Variants in LMNB2 observed in about 807,000 individuals in gnomAD.
The protein encoded by LMNB2 is lamin-B2.
In LMNB2, 17 loss-of-function variants were observed where a neutral mutation model predicts 69.3. The ratio of observed to expected loss-of-function variants is 0.25; its 90% CI spans 0.17 to 0.37. The LOEUF (loss-of-function observed/expected upper bound fraction) is 0.37. Ranked by LOEUF, LMNB2 falls within the 10% of genes least tolerant of loss-of-function variation. The pLI is 1.00. For synonymous variants in LMNB2, 397 were observed against 389.3 expected (o/e 1.02, Z -0.23); for missense variants, 789 against 883.6 (o/e 0.89, Z 1.36).
intron 6 of LMNB2, 91 bp downstream of exon 6, chr19:2,434,697 C>G (rs1037074013): frequency 6.6e-7 from 1 of 1,525,706 alleles, no homozygotes; most frequent in Non-Finnish European, 8.8e-7. Context: ...CATCCGATGC[C>G]AAGAGGCCAG....
intron 1 of LMNB2, among the ~76,000 whole-genome samples, chr19:2,455,194 G>T (rs1321871374): frequency 6.6e-6 from 1 of 151,938 alleles, no homozygotes; most frequent in African/African-American, 2.4e-5. Flanking sequence ...ATCTCTTCTG[G>T]ATTCATCAGG....
At chr19:2,445,954 A>G (rs1464141223) in intron 1 of LMNB2, among the ~76,000 whole-genome samples, 1 of 38,352 alleles carries the variant, frequency 2.6e-5, no homozygotes, top group Non-Finnish European at 4.4e-5. Context: ...AGCCGCCCCC[A>G]CCTTTCACCC....
chr19:2,430,165 AC>A lies in LMNB2; in HGVS notation c.*745del, dbSNP rs1219856357. The A allele has an allele frequency of 2.6e-5, 4 of 154,224 alleles. No individual in the cohort carries two copies. Among genetic ancestry groups the A allele is most frequent in the Non-Finnish European group, 4.3e-5 (3 of 69,546 alleles). 9.6% of individuals were successfully genotyped at this position (154,224 alleles called of 1,614,324 possible). A position where few individuals can be genotyped will look rare whatever the true frequency, so the allele number is the denominator to read the frequency against. ...TCTCCCCTCCCTGCTTATTGTTGTG[AC>A]AGGTCTTACGACGGGACTGTCCTCA... On this transcript the variant is annotated 3_prime_UTR_variant, in exon 12 of 12. Coordinates refer to ENST00000325327, the MANE Select transcript of LMNB2 (RefSeq NM_032737.4).
rs1972059347 is a variant in LMNB2, at chr19:2,453,925, ACTC to A, written c.264+2742_264+2744del. Reference sequence around the variant, plus strand: ...AGCAGGCGGCCTCTAAGTTGGGACAACTCCGCACTGGACAGATGGCAAGATGGA... The same window carrying A: ...AGCAGGCGGCCTCTAAGTTGGGACAACGCACTGGACAGATGGCAAGATGGA... On this transcript the variant is annotated intron_variant, in intron 1 of 11. Transcript: ENST00000325327. This position sits in a 1 kb window ranked among gnomAD's most constrained non-coding sequence, Gnocchi z 4.4. Among the ~76,000 whole-genome samples the A allele has an allele frequency of 6.6e-6, 1 of 152,032 alleles. No homozygotes were observed. Among genetic ancestry groups the A allele is most frequent in the Admixed American group, 6.6e-5 (1 of 15,254 alleles).
At chr19:2,444,629 ATT>A in intron 1 of LMNB2, 89 bp from the exon 2 acceptor site, 2 of 1,535,706 alleles carry the variant, frequency 1.3e-6, no homozygotes, top group Non-Finnish European at 8.9e-7. Context: ...CCCTGCTCAG[ATT>A]CCCAGGGACT....
In LMNB2 at chr19:2,434,913, G is replaced by A. The variant is rs1470221824; in HGVS notation, c.856C>T (p.Leu286=). ...LELEQTYQAK[L]DSAKLSSDQN... is the part of the protein sequence containing the mutation. The stretch of plus-strand genomic sequence containing the variant: ...TCAGAGCTCAGCTTGGCGCTGTCCA[G>A]CTGTGGGGAGACGGGCGGGTGAGTG... The change falls in exon 6 of 12, where the codon CTG becomes TTG. Residue 286 remains leucine (L), a splice_region_variant and synonymous_variant. Coordinates refer to ENST00000325327, the MANE Select transcript of LMNB2 (RefSeq NM_032737.4). 5 of 1,602,396 alleles carry A rather than the reference G, an allele frequency of 3.1e-6. No individual in the cohort carries two copies. The highest frequency in any genetic ancestry group is 1.7e-5 in the Admixed American group (1 of 59,706).
chr19:2,440,120 A>G (rs563690636), intron 2 of LMNB2, among the ~76,000 whole-genome samples: 28 of 110,294 alleles, frequency 2.5e-4, no homozygotes, highest in Non-Finnish European at 6.7e-4. Context: ...CTGTCTAAGT[A>G]TATCTCCATC....
rs780748266 is a variant in LMNB2, at chr19:2,434,449, G to A, written c.1048C>T (p.Arg350Trp). 22 of 1,613,284 alleles carry A rather than the reference G, an allele frequency of 1.4e-5. No homozygotes were observed. Among genetic ancestry groups the A allele is most frequent in the Middle Eastern group, 1.6e-4 (1 of 6,084 alleles). ...EAMAGERDKF[R>W]KMLDAKEQEM... ...TGCTCCTTGGCGTCCAGCATCTTCCGGAACTTGTCCCGCTCCCCGGCCATG... is the reference window on the plus strand; with the variant it reads ...TGCTCCTTGGCGTCCAGCATCTTCCAGAACTTGTCCCGCTCCCCGGCCATG... Residue 350 changes from arginine (R) to tryptophan (W), a missense_variant, in exon 7 of 12, where the codon CGG becomes TGG. Physicochemically the swap from Arg to Trp is moderately radical, Grantham distance 101 (BLOSUM62 -3). Transcript: ENST00000325327.
intron 1 of LMNB2, among the ~76,000 whole-genome samples, chr19:2,454,759 T>C (rs72971500): frequency 1.3e-4 from 19 of 151,790 alleles, no homozygotes; most frequent in Non-Finnish European, 2.8e-4. Flanking sequence ...ATCAAGTGGG[T>C]GCTCCTGCCT....
chr19:2,434,307 C>G lies in LMNB2; in HGVS notation c.1190G>C (p.Gly397Ala), dbSNP rs757984604. The part of the protein sequence containing the change: ...EINAYRKLLE[G>A]EEERLKLSPS... ...TGGCCTGCCGCACCTCTCCTCCTCGCCCTCCAGGAGCTTCCGGTAGGCGTT... is the reference window on the plus strand; with the variant it reads ...TGGCCTGCCGCACCTCTCCTCCTCGGCCTCCAGGAGCTTCCGGTAGGCGTT... The change falls in exon 7 of 12, where the codon GGC (glycine) becomes GCC (alanine). Residue 397 changes from glycine (G) to alanine (A), a missense_variant. By Grantham distance (60) the Gly-to-Ala change is moderately conservative. Around this residue, in one of 3 missense-constraint regions of LMNB2, gnomAD observed 609 missense variants for 630.9 expected, o/e 0.97. Transcript: ENST00000325327. The G allele has an allele frequency of 3.1e-6, 5 of 1,612,910 alleles. No homozygotes were observed. The highest frequency in any genetic ancestry group is 1.7e-4 in the Middle Eastern group (1 of 6,014).
chr19:2,437,244 C>G (rs1682177499), intron 4 of LMNB2: 1 of 152,522 alleles, frequency 6.6e-6, no homozygotes, highest in South Asian at 2.1e-4. Flanking sequence ...CCCCACTCCC[C>G]TCTCCGAGCC....
chr19:2,434,535 C>G lies in LMNB2; in HGVS notation c.982-20G>C. The G allele has an allele frequency of 6.2e-7, 1 of 1,608,244 alleles. No individual in the cohort carries two copies. ...ACTGGCCTGCGGAGGGGGCGGGTGG[C>G]GAAGGTCAGGGCAGCCCATGGGTCA... On this transcript the variant is annotated intron_variant, in intron 6 of 11. Coordinates refer to ENST00000325327, the MANE Select transcript of LMNB2 (RefSeq NM_032737.4).
intron 5 of LMNB2, 28 bp from the exon 6 acceptor site, chr19:2,434,941 G>C (rs772298082): frequency 1.3e-6 from 2 of 1,586,196 alleles, no homozygotes; most frequent in Admixed American, 3.5e-5. Flanking sequence ...GGTGAGTGCG[G>C]GCGCGGGGCG....
At position 2,431,735 on chromosome 19, in the gene LMNB2, C is replaced by A. The variant is rs766983535; in HGVS notation, c.1710+48G>T. On this transcript the variant is annotated intron_variant, in intron 10 of 11. Coordinates refer to ENST00000325327, the MANE Select transcript of LMNB2 (RefSeq NM_032737.4). ...TGTGGCGGCCCCGAGGGTGCCCAGACCCTGCCCAGGACTCCAGCCGAGCAC... is the reference window on the plus strand; with the variant it reads ...TGTGGCGGCCCCGAGGGTGCCCAGAACCTGCCCAGGACTCCAGCCGAGCAC... The A allele has an allele frequency of 1.9e-6, 3 of 1,613,516 alleles. No individual in the cohort carries two copies. In the African/African-American group the frequency reaches 4.0e-5, roughly 22 times the overall value.
At position 2,444,517 on chromosome 19, in the gene LMNB2, G is replaced by A. The variant is rs201605408; in HGVS notation, c.288C>T (p.Tyr96=). ...TREVSGIKAL[Y]ESELADARRV... is the part of the protein sequence containing the mutation. ...TCCGGGCATCGGCCAGCTCCGACTC[G>A]TACAGCGCCTTGATGCCACTCACCT... The change falls in exon 2 of 12, where the codon TAC becomes TAT. Residue 96 remains tyrosine, a synonymous_variant. Coordinates refer to ENST00000325327, the MANE Select transcript of LMNB2 (RefSeq NM_032737.4). 106 of 1,611,700 alleles carry A rather than the reference G, an allele frequency of 6.6e-5. 1 individual carries two copies. The Middle Eastern group carries it at 3.6e-3, about 55-fold the overall frequency.
Position 2,456,910 on chromosome 19 carries a change from G to A in LMNB2, c.24C>T (p.Arg8=), listed in dbSNP as rs909694266. MSPPSPG[R]RREQRRPRAA... is the part of the protein sequence containing the mutation. ...CTCGCGGCCTGCGCTGCTCCCGACG[G>A]CGGCCCGGGCTCGGCGGGCTCATTC... The change falls in exon 1 of 12, where the codon CGC becomes CGT. Residue 8 remains arginine (R), a synonymous_variant. Coordinates refer to ENST00000325327, the MANE Select transcript of LMNB2 (RefSeq NM_032737.4). The A allele has an allele frequency of 1.7e-5, 17 of 1,003,014 alleles. No homozygotes were observed. The highest frequency in any genetic ancestry group is 2.0e-5 in the Non-Finnish European group (17 of 843,424). 62.1% of individuals were successfully genotyped at this position (1,003,014 alleles called of 1,614,324 possible). A position where few individuals can be genotyped will look rare whatever the true frequency, so the allele number is the denominator to read the frequency against.
At position 2,456,896 on chromosome 19, in the gene LMNB2, C is replaced by T. The variant is rs1342518443; in HGVS notation, c.38G>A (p.Arg13His). 2 of 1,029,778 alleles carry T rather than the reference C, an allele frequency of 1.9e-6. No individual in the cohort carries two copies. Among genetic ancestry groups the T allele is most frequent in the Non-Finnish European group, 2.3e-6 (2 of 860,670 alleles). 63.8% of individuals were successfully genotyped at this position (1,029,778 alleles called of 1,614,324 possible). The change falls in exon 1 of 12, where the codon CGC becomes CAC. Residue 13 changes from arginine to histidine, a missense_variant. Coordinates refer to ENST00000325327, the MANE Select transcript of LMNB2 (RefSeq NM_032737.4). ...CATGGTGGCGGCGGCTCGCGGCCTGCGCTGCTCCCGACGGCGGCCCGGGCT... is the reference window on the plus strand; with the variant it reads ...CATGGTGGCGGCGGCTCGCGGCCTGTGCTGCTCCCGACGGCGGCCCGGGCT... ...PPSPGRRREQRRPRAAATMAT... is the reference protein window; with the variant it reads ...PPSPGRRREQHRPRAAATMAT...
chr19:2,429,953 C>G lies in LMNB2; in HGVS notation c.*958G>C, dbSNP rs771536936. On this transcript the variant is annotated 3_prime_UTR_variant, in exon 12 of 12. Coordinates refer to ENST00000325327, the MANE Select transcript of LMNB2 (RefSeq NM_032737.4). ...AGAAACATGGTTTCAGCGAGAAAAT[C>G]ACAGATAAAAGCACAGTATGGATAG... 6.6e-6 allele frequency: 1 copy of G among 151,994 alleles called. No individual in the cohort carries two copies. The highest frequency in any genetic ancestry group is 1.5e-5 in the Non-Finnish European group (1 of 68,052). 9.4% of individuals were successfully genotyped at this position (151,994 alleles called of 1,614,324 possible).
chr19:2,431,825 C>T lies in LMNB2; in HGVS notation c.1668G>A (p.Thr556=), dbSNP rs1971744638. Residue 556 remains threonine (T), a synonymous_variant, in exon 10 of 12, where the codon ACG becomes ACA. Coordinates refer to ENST00000325327, the MANE Select transcript of LMNB2 (RefSeq NM_032737.4). ...CCAGGACGGTGCGGAAGCTCTCGCC[C>T]GTGCCCCAGCTGCTCTGGCCCTTCC... ...LVWKGQSSWG[T]GESFRTVLVN... is the part of the protein sequence containing the mutation. 5.6e-6 allele frequency: 9 copies of T among 1,613,668 alleles called. No homozygotes were observed. The highest frequency in any genetic ancestry group is 2.7e-5 in the African/African-American group (2 of 75,048).
Sources: allele counts gnomAD v4.1 joint callset (sites outside exome capture counted in the v4.1 genomes callset), GRCh38; gene constraint gnomAD v4.1.1; regional missense constraint gnomAD v4.1.1; non-coding constraint Gnocchi (gnomAD v3.1); transcripts MANE v1.5; gene names NCBI Gene and HGNC (gene_info 2026-07-23, HGNC 2026-07-21).